The following CFAP144 variants were observed in gnomAD, a reference collection of about 807,000 sequenced individuals.
CFAP144 encodes cilia- and flagella-associated protein 144.
chr1:43,156,288 G>C, the CFAP144 span: 1 of 1,614,004 alleles, frequency 6.2e-7, no homozygotes, highest in Admixed American at 1.7e-5. Context: ...AAAACGTGGG[G>C]CTTAGGAGAT....
At chr1:43,145,021 C>T in the CFAP144 span, 1 of 541,670 alleles carries the variant, frequency 1.8e-6, no homozygotes, top group East Asian at 3.1e-5. Flanking sequence ...GACAGGACCC[C>T]TTTTCCATGA....
At chr1:43,154,838 C>T in the CFAP144 span, among the ~76,000 whole-genome samples, 4 of 151,932 alleles carry the variant, frequency 2.6e-5, no homozygotes, top group African/African-American at 9.7e-5. Flanking sequence ...AGCCAAGGAA[C>T]GAGGTGGGGG....
chr1:43,145,047 C>T, the CFAP144 span: 1 of 574,290 alleles, frequency 1.7e-6, no homozygotes, highest in South Asian at 2.1e-5. Flanking sequence ...TCCTGGTTAC[C>T]TTGATACTAT....
chr1:43,147,079 A>G, the CFAP144 span, among the ~76,000 whole-genome samples: 2 of 152,214 alleles, frequency 1.3e-5, no homozygotes, highest in Non-Finnish European at 2.9e-5. Flanking sequence ...TCCTGACCTC[A>G]GGTGATCCAC....
the CFAP144 span, chr1:43,156,188 C>A: frequency 6.2e-7 from 1 of 1,610,622 alleles, no homozygotes; most frequent in South Asian, 1.1e-5. Flanking sequence ...CTTTCTGATT[C>A]TGCATCCTCC....
chr1:43,156,112 G>A, the CFAP144 span: 2 of 986,856 alleles, frequency 2.0e-6, no homozygotes, highest in Non-Finnish European at 3.2e-6. Context: ...GGCTGGGAGG[G>A]TGGAGCCTGA....
chr1:43,147,948 G>T, the CFAP144 span: 1 of 1,613,864 alleles, frequency 6.2e-7, no homozygotes, highest in South Asian at 1.1e-5. Flanking sequence ...GGCAGCCCAA[G>T]GCCATGGCGG....
At chr1:43,149,699 G>T in the CFAP144 span, among the ~76,000 whole-genome samples, 14 of 152,328 alleles carry the variant, frequency 9.2e-5, no homozygotes, top group African/African-American at 3.4e-4. Flanking sequence ...TGTCCCTTGA[G>T]CATGTGAGCC....
the CFAP144 span, chr1:43,148,161 G>A: frequency 6.8e-7 from 1 of 1,467,126 alleles, no homozygotes. Context: ...GGGTTGCGGG[G>A]TGGGAACGCG....
chr1:43,149,775 T>G, the CFAP144 span, among the ~76,000 whole-genome samples: 2 of 152,236 alleles, frequency 1.3e-5, no homozygotes, highest in African/African-American at 4.8e-5. Context: ...GATAGAAATT[T>G]TATTTGCTAA....
chr1:43,147,532 A>G, the CFAP144 span, among the ~76,000 whole-genome samples: 1 of 152,222 alleles, frequency 6.6e-6, no homozygotes, highest in Non-Finnish European at 1.5e-5. Flanking sequence ...GATTCTGGGC[A>G]TCTGCTTTAA....
At chr1:43,148,425 G>A in the CFAP144 span, among the ~76,000 whole-genome samples, 1 of 152,278 alleles carries the variant, frequency 6.6e-6, no homozygotes, top group South Asian at 2.1e-4. Flanking sequence ...CAAGTGAAAG[G>A]TTTTTCTTCA....
chr1:43,148,163 G>A, the CFAP144 span: 3 of 1,458,688 alleles, frequency 2.1e-6, no homozygotes, highest in Non-Finnish European at 2.8e-6. Context: ...GTTGCGGGGT[G>A]GGAACGCGGT....
chr1:43,154,033 C>CTTTTTTTTTTTTTTTTTTTTTTT, the CFAP144 span, among the ~76,000 whole-genome samples: 1 of 120,826 alleles, frequency 8.3e-6, no homozygotes, highest in Non-Finnish European at 1.7e-5. Flanking sequence ...TTTTTTCTTA[C>CTTTTTTTTTTTTTTTTTTTTTTT]TTCTTCTTCT....
the CFAP144 span, chr1:43,148,099 G>A: frequency 6.2e-7 from 1 of 1,611,324 alleles, no homozygotes; most frequent in South Asian, 1.1e-5. Flanking sequence ...GAGGCACGGC[G>A]GGGTGGGGGA....
chr1:43,148,682 C>A, the CFAP144 span, among the ~76,000 whole-genome samples: 1 of 152,140 alleles, frequency 6.6e-6, no homozygotes, highest in African/African-American at 2.4e-5. Context: ...CTCATTCCCA[C>A]CTTCCCCACT....
the CFAP144 span, among the ~76,000 whole-genome samples, chr1:43,153,319 T>C: frequency 1.3e-5 from 2 of 152,206 alleles, no homozygotes; most frequent in South Asian, 4.2e-4. Context: ...CCATAAAAAA[T>C]GGACATGTGG....
chr1:43,156,105 T>TGA, the CFAP144 span: 9 of 921,792 alleles, frequency 9.8e-6, no homozygotes, highest in African/African-American at 1.6e-5. Flanking sequence ...AGCCACAGGC[T>TGA]GGGAGGGTGG....
chr1:43,154,151 C>A, the CFAP144 span, among the ~76,000 whole-genome samples: 3 of 120,534 alleles, frequency 2.5e-5, no homozygotes, highest in African/African-American at 8.9e-5. Flanking sequence ...TATATATATT[C>A]TCTCTTTTTA....
Sources: allele counts gnomAD v4.1 joint callset (sites outside exome capture counted in the v4.1 genomes callset), GRCh38; gene constraint gnomAD v4.1.1; transcripts MANE v1.5; gene names NCBI Gene and HGNC (gene_info 2026-07-23, HGNC 2026-07-21).